The following ZCCHC7 variants were observed in gnomAD, a reference collection of about 807,000 sequenced individuals.
ZCCHC7 encodes zinc finger CCHC-type containing 7.
ZCCHC7 carries 35 observed loss-of-function variants against 52.0 expected under a neutral mutation model. That is an observed-to-expected ratio of 0.67 (90% CI 0.51 to 0.89). ZCCHC7 has a LOEUF of 0.89. ZCCHC7 is among the 40% of genes least tolerant of loss of function. ZCCHC7 has a pLI of 0.00. For synonymous variants in ZCCHC7, 217 were observed against 221.5 expected (o/e 0.98, Z 0.18); for missense variants, 574 against 649.1 (o/e 0.88, Z 1.26).
intron 2 of ZCCHC7, among the ~76,000 whole-genome samples, chr9:37,209,537 TCC>T (rs563739277): frequency 6.6e-6 from 1 of 152,190 alleles, no homozygotes; most frequent in South Asian, 2.1e-4. Flanking sequence ...TCATTTTCTC[TCC>T]CCCTTTTCTT....
In ZCCHC7 at chr9:37,274,331, C is replaced by CTTTT. The variant is rs10653910; in HGVS notation, c.611-27834_611-27831dup. On this transcript the variant is annotated intron_variant, in intron 2 of 8. Transcript: ENST00000336755. ...TTATGAAAATTACCATATCTAATTT[C>CTTTT]TTTTTTTTTTTTTTTTTTTTTTTTT... is the stretch of plus-strand genomic sequence containing the variant. Among the ~76,000 whole-genome samples the CTTTT allele has an allele frequency of 2.5e-4, 19 of 76,666 alleles. 1 individual carries two copies. The highest frequency in any genetic ancestry group is 6.5e-4 in the African/African-American group (12 of 18,376). The allele number at this position is 76,666 out of a possible 152,430, so 50.3% of individuals were successfully genotyped here.
rs66505755 is a variant in ZCCHC7, at chr9:37,201,167, G to A, written c.610+74225G>A. ...TTTATAGGTTAAAAAACGATCCAGA[G>A]AGATTTACTTGTTCAGGTCTTACAG... On this transcript the variant is annotated intron_variant, in intron 2 of 8. Coordinates refer to ENST00000336755, the MANE Select transcript of ZCCHC7 (RefSeq NM_032226.3). Among the ~76,000 whole-genome samples, 1,285 of 152,320 alleles carry A rather than the reference G, an allele frequency of 8.4e-3. 12 individuals are homozygous for A. The highest frequency in any genetic ancestry group is 0.013 in the Non-Finnish European group (885 of 68,034).
At chr9:37,123,193 GTGT>G (rs1252679870) in intron 1 of ZCCHC7, among the ~76,000 whole-genome samples, 63 of 1,828 alleles carry the variant, frequency 0.034, no homozygotes, top group Non-Finnish European at 0.088. Context: ...AGTCAAGGGT[GTGT>G]GTGTGTGTGT....
At chr9:37,315,138 G>T (rs76774903) in intron 5 of ZCCHC7, among the ~76,000 whole-genome samples, 7,654 of 151,052 alleles carry the variant, frequency 0.051, 632 homozygotes, top group African/African-American at 0.17. Flanking sequence ...AAAAGAAAAT[G>T]AGCTCTGCAT....
intron 1 of ZCCHC7, 133 bp downstream of exon 1, chr9:37,120,756 C>G (rs893510766): frequency 1.2e-5 from 4 of 343,094 alleles, no homozygotes; most frequent in Non-Finnish European, 2.1e-5. Flanking sequence ...GCCCCTCACT[C>G]GTGGCAGGGC....
intron 2 of ZCCHC7, among the ~76,000 whole-genome samples, chr9:37,145,721 A>G (rs1843402182): frequency 6.6e-6 from 1 of 151,946 alleles, no homozygotes. Context: ...GTTGCTTTAG[A>G]TCCTTAACTT....
At chr9:37,177,334 C>T (rs1822095826) in intron 2 of ZCCHC7, among the ~76,000 whole-genome samples, 1 of 151,442 alleles carries the variant, frequency 6.6e-6, no homozygotes, top group East Asian at 1.9e-4. Context: ...GACTCAGTCT[C>T]AATAAATAAA....
At chr9:37,295,044 T>A (rs1049752020) in intron 2 of ZCCHC7, among the ~76,000 whole-genome samples, 2 of 152,168 alleles carry the variant, frequency 1.3e-5, no homozygotes, top group South Asian at 2.1e-4. Flanking sequence ...CTTTGATGTT[T>A]GGAAGATATA....
intron 2 of ZCCHC7, among the ~76,000 whole-genome samples, chr9:37,290,528 T>A (rs903008476): frequency 3.9e-5 from 6 of 152,054 alleles, no homozygotes; most frequent in Non-Finnish European, 8.8e-5. Context: ...TGGTGGCATG[T>A]CGCAGTAGTA....
chr9:37,333,808 A>G (rs908734438), intron 6 of ZCCHC7: 6 of 151,812 alleles, frequency 4.0e-5, no homozygotes, highest in African/African-American at 1.2e-4. Context: ...TAAAACCCAC[A>G]GTATTCATAT....
At chr9:37,268,526 A>G (rs1218639443) in intron 2 of ZCCHC7, among the ~76,000 whole-genome samples, 1 of 151,630 alleles carries the variant, frequency 6.6e-6, no homozygotes, top group Non-Finnish European at 1.5e-5. Flanking sequence ...TCCCAAGTTC[A>G]CACCATTCTC....
intron 2 of ZCCHC7, among the ~76,000 whole-genome samples, chr9:37,263,871 T>C (rs1211071225): frequency 6.6e-6 from 1 of 152,154 alleles, no homozygotes; most frequent in African/African-American, 2.4e-5. Flanking sequence ...TTATTAAGAG[T>C]AACTTCTAAA....
chr9:37,247,450 T>C (rs959282838), intron 2 of ZCCHC7, among the ~76,000 whole-genome samples: 2 of 152,230 alleles, frequency 1.3e-5, no homozygotes, highest in Non-Finnish European at 2.9e-5. Flanking sequence ...TTACACCATT[T>C]TTCAAATGTA....
In ZCCHC7 at chr9:37,193,370, A is replaced by G. The variant is rs775458146; in HGVS notation, c.610+66428A>G. Reference sequence around the variant, plus strand: ...CAGACATTGGAATAAAATTACTTTTATTAACTAAAATTCTCCTACAATAGG... The same window carrying G: ...CAGACATTGGAATAAAATTACTTTTGTTAACTAAAATTCTCCTACAATAGG... On this transcript the variant is annotated intron_variant, in intron 2 of 8. Coordinates refer to ENST00000336755, the MANE Select transcript of ZCCHC7 (RefSeq NM_032226.3). 3.3e-5 allele frequency among the ~76,000 whole-genome samples: 5 copies of G among 152,294 alleles called. No individual in the cohort carries two copies. The Middle Eastern group carries it at 0.01, about 311-fold the overall frequency.
At chr9:37,282,265 A>G (rs1827992878) in intron 2 of ZCCHC7, among the ~76,000 whole-genome samples, 1 of 152,198 alleles carries the variant, frequency 6.6e-6, no homozygotes, top group African/African-American at 2.4e-5. Flanking sequence ...AGAATGGTAA[A>G]GATGGTAAAT....
chr9:37,316,859 C>T (rs1588661286), intron 5 of ZCCHC7, among the ~76,000 whole-genome samples: 1 of 131,980 alleles, frequency 7.6e-6, no homozygotes, highest in African/African-American at 3.0e-5. Flanking sequence ...TGGGATTTCA[C>T]ATAAGCCTCT....
intron 2 of ZCCHC7, among the ~76,000 whole-genome samples, chr9:37,212,962 C>T (rs1824319328): frequency 1.3e-5 from 2 of 152,184 alleles, no homozygotes; most frequent in South Asian, 2.1e-4. Flanking sequence ...GAGGGCTTGA[C>T]TTTTTAATAG....
At chr9:37,133,376 CTT>C (rs778044762) in intron 2 of ZCCHC7, among the ~76,000 whole-genome samples, 29 of 134,524 alleles carry the variant, frequency 2.2e-4, no homozygotes, top group Middle Eastern at 3.5e-3. Context: ...GGAATATTTT[CTT>C]TTTTTTTTTT....
At position 37,219,804 on chromosome 9, in the gene ZCCHC7, G is replaced by A. The variant is rs540869417; in HGVS notation, c.611-82384G>A. On this transcript the variant is annotated intron_variant, in intron 2 of 8. Coordinates refer to ENST00000336755, the MANE Select transcript of ZCCHC7 (RefSeq NM_032226.3). ...TTTAGGAGGAGTTCAGAGAAAATCA[G>A]TGTGGCTGGAATAGTCTATTTAGCT... is the stretch of plus-strand genomic sequence containing the variant. 2.6e-5 allele frequency among the ~76,000 whole-genome samples: 4 copies of A among 152,300 alleles called. No individual in the cohort carries two copies. In the East Asian group the frequency reaches 7.7e-4, roughly 29 times the overall value.
Sources: gnomAD v4.1 joint callset for allele counts (sites outside exome capture counted in the v4.1 genomes callset) on GRCh38, gnomAD v4.1.1 for gene constraint, MANE v1.5 for transcripts, NCBI Gene and HGNC (gene_info 2026-07-23, HGNC 2026-07-21) for gene names.